Variants in TYW5 observed in about 807,000 individuals in gnomAD.
TYW5 encodes tRNA wybutosine-synthesizing protein 5.
Under a neutral mutation model 44.4 loss-of-function variants are expected in TYW5, and 36 were observed. The observed-to-expected ratio is 0.81, with a 90% CI of 0.62 to 1.07. TYW5 has a LOEUF of 1.07. Among genes scored for constraint, TYW5 ranks in the 50% least tolerant of loss-of-function variants. TYW5 has a pLI of 0.00. For missense variants in TYW5, 354 were observed against 365.7 expected, an observed-to-expected ratio of 0.97 and a Z score of 0.26; for synonymous variants, 121 against 128.1, an observed-to-expected ratio of 0.94 and a Z score of 0.37.
intron 3 of TYW5, chr2:199,942,494 C>A (rs1470347716): frequency 6.6e-6 from 1 of 152,226 alleles, no homozygotes; most frequent in East Asian, 1.9e-4. Flanking sequence ...GTGTCTATTT[C>A]TTTTACTTCA....
At chr2:199,945,183 G>A (rs140142420) in intron 2 of TYW5, 1 of 152,296 alleles carries the variant, frequency 6.6e-6, no homozygotes, top group African/African-American at 2.4e-5. Flanking sequence ...CTAAGCTCAG[G>A]TGTTTCTATA....
chr2:199,938,565 C>T (rs2077439842), intron 5 of TYW5, among the ~76,000 whole-genome samples: 1 of 152,088 alleles, frequency 6.6e-6, no homozygotes, highest in Admixed American at 6.6e-5. Context: ...TAGCCAGAGT[C>T]ATGTGTATCA....
At chr2:199,953,535 T>C (rs4410273) in intron 1 of TYW5, among the ~76,000 whole-genome samples, 127,995 of 152,116 alleles carry the variant, frequency 0.84, 54,037 homozygotes, top group South Asian at 0.91. Flanking sequence ...ATTTTGTGCC[T>C]TATTGATTTT....
intron 4 of TYW5, among the ~76,000 whole-genome samples, chr2:199,939,508 T>A (rs996139836): frequency 1.3e-5 from 2 of 152,218 alleles, no homozygotes; most frequent in African/African-American, 4.8e-5. Flanking sequence ...ATAGAAAGGT[T>A]CTTTCTACTT....
At chr2:199,947,181 T>C (rs1384703599) in intron 2 of TYW5, 1 of 152,214 alleles carries the variant, frequency 6.6e-6, no homozygotes, top group Non-Finnish European at 1.5e-5. Flanking sequence ...TATATGAACT[T>C]GGAAAACTCT....
intron 2 of TYW5, chr2:199,944,077 G>GA (rs1435197368): frequency 4.8e-5 from 17 of 357,392 alleles, no homozygotes; most frequent in Non-Finnish European, 8.0e-5. Flanking sequence ...TGATACAGAT[G>GA]AATCTTTCAA....
At chr2:199,945,992 G>A (rs1323853088) in intron 2 of TYW5, 1 of 152,224 alleles carries the variant, frequency 6.6e-6, no homozygotes, top group African/African-American at 2.4e-5. Flanking sequence ...GCACCAGTAA[G>A]GAGGGTAATG....
chr2:199,939,928 C>T (rs1291191359), intron 4 of TYW5, among the ~76,000 whole-genome samples, 161 bp downstream of exon 4: 3 of 152,118 alleles, frequency 2.0e-5, no homozygotes, highest in Non-Finnish European at 4.4e-5. Flanking sequence ...ACTTTTTAAT[C>T]ATCTTACTTC....
chr2:199,948,125 C>G (rs2105708841), intron 2 of TYW5, 193 bp downstream of exon 2: 1 of 557,498 alleles, frequency 1.8e-6, no homozygotes, highest in East Asian at 3.1e-5. Flanking sequence ...AAAATTGTCA[C>G]TGTATAATTA....
chr2:199,934,347 AT>A lies in TYW5; in HGVS notation c.692-1025del, dbSNP rs960839946. 5.7e-3 allele frequency among the ~76,000 whole-genome samples: 842 copies of A among 147,956 alleles called. 6 individuals are homozygous for A. Among genetic ancestry groups the A allele is most frequent in the African/African-American group, 0.017 (695 of 40,712 alleles). The stretch of plus-strand genomic sequence containing the variant: ...TTAAAAATATATGCAAATGTTCAGT[AT>A]TTTTTTTTTTCTTAAAACAATTGTA... On this transcript the variant is annotated intron_variant, in intron 7 of 7. Transcript: ENST00000354611.
At chr2:199,954,894 A>G (rs1448208733) in intron 1 of TYW5, among the ~76,000 whole-genome samples, 1 of 152,154 alleles carries the variant, frequency 6.6e-6, no homozygotes, top group Non-Finnish European at 1.5e-5. Flanking sequence ...AAGTAAAAGC[A>G]CTTTTTGTTT....
chr2:199,938,066 CA>C (rs1185194708), intron 5 of TYW5, among the ~76,000 whole-genome samples: 1 of 151,384 alleles, frequency 6.6e-6, no homozygotes, highest in Non-Finnish European at 1.5e-5. Flanking sequence ...TAATCAAGAT[CA>C]ATTTTTTTTT....
intron 3 of TYW5, chr2:199,942,739 G>C (rs1363664708): frequency 1.3e-5 from 2 of 152,114 alleles, no homozygotes; most frequent in African/African-American, 4.8e-5. Context: ...CAAGAGGACT[G>C]TAAAAATGCA....
intron 5 of TYW5, among the ~76,000 whole-genome samples, chr2:199,937,595 G>A (rs2077430685): frequency 6.6e-6 from 1 of 152,088 alleles, no homozygotes; most frequent in African/African-American, 2.4e-5. Flanking sequence ...CTTGAATCTG[G>A]GAGGGACTGG....
chr2:199,932,286 T>C lies in TYW5; in HGVS notation c.*781A>G, dbSNP rs1003591124. On this transcript the variant is annotated 3_prime_UTR_variant, in exon 8 of 8. Coordinates refer to ENST00000354611, the MANE Select transcript of TYW5 (RefSeq NM_001039693.3). ...CTAGGTATCTGTACATTTTTTAAAG[T>C]TCCTCAAAAAATTCTGCTTCTAGGC... 3.3e-5 allele frequency: 5 copies of C among 152,156 alleles called. No homozygotes were observed. Among genetic ancestry groups the C allele is most frequent in the African/African-American group, 1.2e-4 (5 of 41,442 alleles). 9.4% of individuals were successfully genotyped at this position (152,156 alleles called of 1,614,324 possible).
At chr2:199,955,182 C>A (rs2105719694) in intron 1 of TYW5, 1 of 559,500 alleles carries the variant, frequency 1.8e-6, no homozygotes, top group East Asian at 2.9e-5. Context: ...TCCCCAGAAA[C>A]ATGGGACTTT....
chr2:199,945,441 G>A (rs1368614291), intron 2 of TYW5: 1 of 152,184 alleles, frequency 6.6e-6, no homozygotes, highest in Admixed American at 6.6e-5. Flanking sequence ...GGAGAGAAAA[G>A]AGGGGTCTGC....
chr2:199,954,203 C>T (rs1206445514), intron 1 of TYW5, among the ~76,000 whole-genome samples: 1 of 151,872 alleles, frequency 6.6e-6, no homozygotes, highest in Non-Finnish European at 1.5e-5. Context: ...CGGGCTCAAG[C>T]AGATCCTCCG....
At chr2:199,952,354 G>A (rs542100322) in intron 1 of TYW5, among the ~76,000 whole-genome samples, 1 of 152,170 alleles carries the variant, frequency 6.6e-6, no homozygotes, top group East Asian at 1.9e-4. Flanking sequence ...ATCACCAAGA[G>A]AGTATTACCA....
Sources: gnomAD v4.1 joint callset for allele counts (sites outside exome capture counted in the v4.1 genomes callset) on GRCh38, gnomAD v4.1.1 for gene constraint, MANE v1.5 for transcripts, NCBI Gene and HGNC (gene_info 2026-07-23, HGNC 2026-07-21) for gene names.